PLEC: variants seen among roughly 807,000 people sequenced by gnomAD.
PLEC encodes plectin.
In PLEC, 216 loss-of-function variants were observed where a neutral mutation model predicts 392.8. The ratio of observed to expected loss-of-function variants is 0.55; its 90% CI spans 0.49 to 0.62. PLEC has a LOEUF of 0.62. Ranked by LOEUF, PLEC falls within the 20% of genes least tolerant of loss-of-function variation. The probability of loss-of-function intolerance (pLI) is 0.00; values close to 1 mark genes in which losing one functional copy is unlikely to be tolerated. For synonymous variants in PLEC, 3,621 were observed against 2,980.6 expected, an observed-to-expected ratio of 1.21 and a Z score of -7.00; for missense variants, 6,863 against 6,563.4, an observed-to-expected ratio of 1.05 and a Z score of -1.58.
At position 143,919,839 on chromosome 8, in the gene PLEC, A is replaced by C. The variant is rs781920048; in HGVS notation, c.9982T>G (p.Phe3328Val). ...LASGVLSRAQ[F>V]EQLKDGKTTV... is the part of the protein sequence containing the mutation. The stretch of plus-strand genomic sequence containing the variant: ...GTCTTGCCGTCCTTGAGCTGCTCAA[A>C]CTGGGCTCTGCTGAGGACCCCGGAA... Residue 3328 changes from phenylalanine to valine, a missense_variant, in exon 32 of 32, where the codon TTT becomes GTT. Transcript: ENST00000345136. 2 of 1,612,994 alleles carry C rather than the reference A, an allele frequency of 1.2e-6. No homozygotes were observed. Among genetic ancestry groups the C allele is most frequent in the Non-Finnish European group, 1.7e-6 (2 of 1,180,040 alleles).
upstream of PLEC, among the ~76,000 whole-genome samples, chr8:143,952,723 G>A (rs1458977981): frequency 6.6e-6 from 1 of 152,138 alleles, no homozygotes; most frequent in Non-Finnish European, 1.5e-5. Context: ...CGTGGACCTA[G>A]GTTCTCTCCT....
chr8:143,939,618 G>A, upstream of PLEC: 3 of 1,469,128 alleles, frequency 2.0e-6, no homozygotes, highest in East Asian at 2.5e-5. Context: ...GCCACTCCCT[G>A]CCTGCTGTAC....
chr8:143,964,344 A>G (rs1832989730), intron 1 of PLEC, among the ~76,000 whole-genome samples: 1 of 152,154 alleles, frequency 6.6e-6, no homozygotes, highest in Non-Finnish European at 1.5e-5. Flanking sequence ...TAACACAAGG[A>G]TCTTGAGATG....
In PLEC at chr8:143,925,792, G is replaced by A. The variant is rs782222813; in HGVS notation, c.4137C>T (p.His1379=). 71 of 1,576,730 alleles carry A rather than the reference G, an allele frequency of 4.5e-5. No individual in the cohort carries two copies. In the Middle Eastern group the frequency reaches 7.0e-4, roughly 15 times the overall value. ...GCTCCGCCTGTGCCTTTGCCTGGGC[G>A]TGCGCCTCGGCCAGCTGCCGCTGCT... ...LEKQRQLAEA[H]AQAKAQAERE... is the part of the protein sequence containing the mutation. Residue 1379 remains histidine, a synonymous_variant, in exon 31 of 32, where the codon CAC becomes CAT. Coordinates refer to ENST00000345136, the MANE Select transcript of PLEC (RefSeq NM_201384.3).
At chr8:143,944,584 C>A, upstream of PLEC, 1 of 1,054,706 alleles carries the variant, frequency 9.5e-7, no homozygotes, top group South Asian at 2.4e-5. Flanking sequence ...AGCCCCAGCC[C>A]TCTGGCCCCT....
Position 143,934,934 on chromosome 8 carries a change from G to C in PLEC, c.826-5C>G. On this transcript the variant is annotated splice_polypyrimidine_tract_variant and splice_region_variant and intron_variant, in intron 8 of 31. Transcript: ENST00000345136. ...CTGCCAGCGCAGCTGCAGCTCCTGCGGGCAGGCACGGGCGGCTGTCAGGGG... is the reference window on the plus strand; with the variant it reads ...CTGCCAGCGCAGCTGCAGCTCCTGCCGGCAGGCACGGGCGGCTGTCAGGGG... The C allele has an allele frequency of 6.2e-7, 1 of 1,610,754 alleles. No homozygotes were observed. The highest frequency in any genetic ancestry group is 8.5e-7 in the Non-Finnish European group (1 of 1,179,516).
At position 143,916,557 on chromosome 8, in the gene PLEC, C is replaced by T. The variant is rs782099999; in HGVS notation, c.13264G>A (p.Ala4422Thr). 44 of 1,611,458 alleles carry T rather than the reference C, an allele frequency of 2.7e-5. No individual in the cohort carries two copies. The highest frequency in any genetic ancestry group is 5.3e-5 in the African/African-American group (4 of 74,884). ...LQRGTVDART[A>T]QKLRDVGAYS... ...GCGCCCACGTCACGCAGCTTCTGTG[C>T]GGTGCGGGCGTCCACCGTGCCGCGC... Residue 4422 changes from alanine to threonine, a missense_variant, in exon 32 of 32, where the codon GCA (alanine) becomes ACA (threonine). Physicochemically the swap from Ala to Thr is moderately conservative, Grantham distance 58 (BLOSUM62 0). Transcript: ENST00000345136.
At position 143,923,013 on chromosome 8, in the gene PLEC, C is replaced by T. The variant is rs1489904247; in HGVS notation, c.6916G>A (p.Ala2306Thr). 6.2e-7 allele frequency: 1 copy of T among 1,611,898 alleles called. No homozygotes were observed. Among genetic ancestry groups the T allele is most frequent in the African/African-American group, 1.3e-5 (1 of 75,014 alleles). ...LAEEDLAQQR[A>T]LAEKMLKEKM... ...TCCTTGAGCATCTTCTCTGCCAAGG[C>T]CCGCTGCTGTGCCAGGTCCTCCTCT... Residue 2306 changes from alanine (A) to threonine (T), a missense_variant, in exon 31 of 32, where the codon GCC becomes ACC. By Grantham distance (58) the Ala-to-Thr change is moderately conservative. Transcript: ENST00000345136.
chr8:143,959,938 C>T (rs782778343), intron 1 of PLEC, among the ~76,000 whole-genome samples: 2 of 151,578 alleles, frequency 1.3e-5, no homozygotes, highest in Non-Finnish European at 2.9e-5. Context: ...GAGATCATGC[C>T]ACTACACTCC....
At chr8:143,950,187 T>G in exon 1 of PLEC, 1 of 1,519,176 alleles carries the variant, frequency 6.6e-7, no homozygotes, top group Non-Finnish European at 8.9e-7. Flanking sequence ...AGCTGACCTG[T>G]GGCTGGGGCA....
In PLEC at chr8:143,918,180, G is replaced by C; in HGVS notation, c.11641C>G (p.Arg3881Gly). The change falls in exon 32 of 32, where the codon CGC (arginine) becomes GGC (glycine). Residue 3881 changes from arginine to glycine, a missense_variant. Arg to Gly is a moderately radical substitution (Grantham distance 125, BLOSUM62 -2). Transcript: ENST00000345136. ...GQLLLPLSDA[R>G]KLTFRGLRKQ... ...CGCAGGCCACGGAAGGTCAGCTTGC[G>C]GGCGTCCGACAGTGGCAGGAGCAGC... is the stretch of plus-strand genomic sequence containing the variant. 1 of 1,593,912 alleles carries C rather than the reference G, an allele frequency of 6.3e-7. No homozygotes were observed. Among genetic ancestry groups the C allele is most frequent in the East Asian group, 2.2e-5 (1 of 44,704 alleles).
chr8:143,929,121 G>T lies in PLEC; in HGVS notation c.3242C>A (p.Ser1081Tyr). 1 of 1,580,878 alleles carries T rather than the reference G, an allele frequency of 6.3e-7. No homozygotes were observed. Among genetic ancestry groups the T allele is most frequent in the Non-Finnish European group, 8.6e-7 (1 of 1,164,474 alleles). The stretch of plus-strand genomic sequence containing the variant: ...CACTCACTTCTCCAGGTAGATGGCA[G>T]ACAGGCTGCGGACCTGCTCCAGCTT... ...LGKLEQVRSLSAIYLEKLKTI... is the reference protein window; with the variant it reads ...LGKLEQVRSLYAIYLEKLKTI... The change falls in exon 25 of 32, where the codon TCT (serine) becomes TAT (tyrosine). Residue 1081 changes from serine (S) to tyrosine (Y), a missense_variant. Ser to Tyr is a moderately radical substitution (Grantham distance 144). Transcript: ENST00000345136.
At chr8:143,942,423 C>G, upstream of PLEC, 1 of 1,606,032 alleles carries the variant, frequency 6.2e-7, no homozygotes. Context: ...AGAGGTAGCC[C>G]CTGCGGGCCG....
At chr8:143,966,052 C>T (rs1326060797) in intron 1 of PLEC, among the ~76,000 whole-genome samples, 1 of 152,136 alleles carries the variant, frequency 6.6e-6, no homozygotes, top group Non-Finnish European at 1.5e-5. Flanking sequence ...GAGCACTTCC[C>T]ACATGCCCCC....
intron 15 of PLEC, 21 bp from the exon 16 acceptor site, chr8:143,932,582 G>A: frequency 6.2e-7 from 1 of 1,612,390 alleles, no homozygotes; most frequent in Non-Finnish European, 8.5e-7. Context: ...GAGGGTGCGT[G>A]TCAGCAGGCC....
At chr8:143,936,569 G>A (rs1829109910) in intron 5 of PLEC, among the ~76,000 whole-genome samples, 2 of 152,240 alleles carry the variant, frequency 1.3e-5, no homozygotes, top group South Asian at 4.1e-4. Context: ...CTGCCAGCCT[G>A]TGTGACTCAG....
rs782297231 is a variant in PLEC, at chr8:143,916,576, G to T, written c.13245C>A (p.Gly4415=). Reference sequence around the variant, plus strand: ...TCTGTGCGGTGCGGGCGTCCACCGTGCCGCGCTGCAGGGCCTCGTCCAGGG... The same window carrying T: ...TCTGTGCGGTGCGGGCGTCCACCGTTCCGCGCTGCAGGGCCTCGTCCAGGG... ...RVPLDEALQR[G]TVDARTAQKL... is the part of the protein sequence containing the mutation. Residue 4415 remains glycine (G), a synonymous_variant, in exon 32 of 32, where the codon GGC becomes GGA. Transcript: ENST00000345136. The T allele has an allele frequency of 2.5e-6, 4 of 1,611,542 alleles. No individual in the cohort carries two copies. Among genetic ancestry groups the T allele is most frequent in the Non-Finnish European group, 3.4e-6 (4 of 1,179,578 alleles).
chr8:143,952,256 G>T (rs1832267014), upstream of PLEC, among the ~76,000 whole-genome samples: 1 of 152,152 alleles, frequency 6.6e-6, no homozygotes, highest in Non-Finnish European at 1.5e-5. Flanking sequence ...ACACAGAGGT[G>T]TGGTGGCGGG....
At position 143,923,048 on chromosome 8, in the gene PLEC, C is replaced by T. The variant is rs1402745891; in HGVS notation, c.6881G>A (p.Arg2294Gln). The T allele has an allele frequency of 1.1e-5, 17 of 1,610,490 alleles. No homozygotes were observed. Among genetic ancestry groups the T allele is most frequent in the South Asian group, 2.2e-5 (2 of 90,956 alleles). The change falls in exon 31 of 32, where the codon CGG becomes CAG. Residue 2294 changes from arginine to glutamine, a missense_variant. Transcript: ENST00000345136. ...TGCCAGGTCCTCCTCTGCCAGCTGC[C>T]GCAGTCGCGCAGCCTCTTGGGCCGC... Reference protein sequence around the residue: ...SVAAQEAARLRQLAEEDLAQQ... With the variant: ...SVAAQEAARLQQLAEEDLAQQ...
Sources: gnomAD v4.1 joint callset for allele counts (sites outside exome capture counted in the v4.1 genomes callset) on GRCh38, gnomAD v4.1.1 for gene constraint, MANE v1.5 for transcripts, NCBI Gene and HGNC (gene_info 2026-07-23, HGNC 2026-07-21) for gene names.